ZBTB7C: variants seen among roughly 807,000 people sequenced by gnomAD.
The protein encoded by ZBTB7C is zinc finger and BTB domain containing 7C.
Under a neutral mutation model 25.7 loss-of-function variants are expected in ZBTB7C, and 8 were observed. The observed-to-expected ratio is 0.31, with a 90% CI of 0.18 to 0.56. ZBTB7C has a LOEUF of 0.56. Ranked by LOEUF, ZBTB7C falls within the 20% of genes least tolerant of loss-of-function variation. ZBTB7C has a pLI of 0.91. For missense variants in ZBTB7C, 824 were observed against 855.2 expected (o/e 0.96, Z 0.46); for synonymous variants, 394 against 369.0 (o/e 1.07, Z -0.78).
At chr18:48,326,451 CAT>C (rs1266998636) in intron 2 of ZBTB7C, among the ~76,000 whole-genome samples, 1 of 152,104 alleles carries the variant, frequency 6.6e-6, no homozygotes. Flanking sequence ...CACACACACA[CAT>C]ACAACAAAAT....
intron 2 of ZBTB7C, among the ~76,000 whole-genome samples, chr18:48,229,433 T>C (rs545711961): frequency 1.3e-5 from 2 of 152,204 alleles, no homozygotes; most frequent in Non-Finnish European, 2.9e-5. Flanking sequence ...TTTTCCCAGC[T>C]CTAAGGAGAA....
chr18:48,111,835 G>C (rs6507809), intron 3 of ZBTB7C, among the ~76,000 whole-genome samples: 12,116 of 152,166 alleles, frequency 0.08, 1,430 homozygotes, highest in African/African-American at 0.26. Flanking sequence ...CATAAACACA[G>C]TTTTTGGCAG....
chr18:48,158,373 C>T (rs896030085), intron 3 of ZBTB7C, among the ~76,000 whole-genome samples: 13 of 152,246 alleles, frequency 8.5e-5, no homozygotes, highest in Admixed American at 2.6e-4. Flanking sequence ...CCAAAGCCAC[C>T]GACACACACA....
chr18:48,198,222 CATT>C (rs1478895668), intron 2 of ZBTB7C, among the ~76,000 whole-genome samples: 3 of 152,176 alleles, frequency 2.0e-5, no homozygotes, highest in Admixed American at 6.5e-5. Flanking sequence ...ATTCCATTTT[CATT>C]TTTTCCTAGA....
intron 3 of ZBTB7C, among the ~76,000 whole-genome samples, chr18:48,073,317 G>A (rs1226867662): frequency 6.6e-6 from 1 of 152,130 alleles, no homozygotes; most frequent in Non-Finnish European, 1.5e-5. Context: ...AGGGCTACTG[G>A]CTAGGCTCAG....
rs140925301 is a variant in ZBTB7C at position 48,040,441 on chromosome 18, G to A, written c.667C>T (p.Arg223Trp). The A allele has an allele frequency of 3.1e-6, 5 of 1,607,596 alleles. No individual in the cohort carries two copies. The highest frequency in any genetic ancestry group is 1.3e-5 in the African/African-American group (1 of 74,878). The change falls in exon 4 of 5, where the codon CGG becomes TGG. Residue 223 changes from arginine (R) to tryptophan (W), a missense_variant. By Grantham distance (101) the Arg-to-Trp change is moderately radical (BLOSUM62 -3). Around this residue, in one of 4 missense-constraint regions of ZBTB7C, gnomAD observed 316 missense variants for 299.2 expected, o/e 1.06. Coordinates refer to ENST00000590800, the MANE Select transcript of ZBTB7C (RefSeq NM_001318841.2). ...AGCAGAGATTCGATGGAGAAGTCCC[G>A]GATCACCCCCAGATGGCCAGGACTG... ...AGSPGHLGVI[R>W]DFSIESLLRE...
chr18:48,054,182 G>T (rs1280014729), intron 3 of ZBTB7C, among the ~76,000 whole-genome samples: 1 of 152,184 alleles, frequency 6.6e-6, no homozygotes, highest in Admixed American at 6.5e-5. Flanking sequence ...ATCCTTCCGC[G>T]AAGGAAATCA....
Position 48,029,734 on chromosome 18 carries a change from G to A in ZBTB7C, c.1386C>T (p.His462=). 6.2e-7 allele frequency: 1 copy of A among 1,606,096 alleles called. No homozygotes were observed. Among genetic ancestry groups the A allele is most frequent in the Non-Finnish European group, 8.5e-7 (1 of 1,179,336 alleles). Residue 462 remains histidine, a synonymous_variant, in exon 5 of 5, where the codon CAC becomes CAT. Coordinates refer to ENST00000590800, the MANE Select transcript of ZBTB7C (RefSeq NM_001318841.2). ...TCTGGCGCTTGATGTGGCGGTGCAG[G>A]TGGTCAGAGCGCGTGAAGCTCTTGT... ...FCYKSFTRSD[H]LHRHIKRQSC... is the part of the protein sequence containing the mutation.
At chr18:48,302,307 C>T (rs1406002544) in intron 2 of ZBTB7C, among the ~76,000 whole-genome samples, 2 of 152,198 alleles carry the variant, frequency 1.3e-5, no homozygotes, top group African/African-American at 2.4e-5. Context: ...GAAGAGCTGA[C>T]GGCTCCTGCT....
intron 3 of ZBTB7C, among the ~76,000 whole-genome samples, chr18:48,159,048 A>G (rs2040922705): frequency 6.6e-6 from 1 of 152,126 alleles, no homozygotes; most frequent in South Asian, 2.1e-4. Flanking sequence ...CCTTTCTCAG[A>G]GGCGACAGGG....
At chr18:48,103,497 G>A (rs868278044) in intron 3 of ZBTB7C, among the ~76,000 whole-genome samples, 2 of 152,090 alleles carry the variant, frequency 1.3e-5, no homozygotes, top group Non-Finnish European at 2.9e-5. Flanking sequence ...TTACCTTTCA[G>A]GGACAAAGAC....
chr18:48,185,371 A>T (rs1388917812), intron 3 of ZBTB7C: 1 of 429,664 alleles, frequency 2.3e-6, no homozygotes, highest in East Asian at 7.8e-5. Flanking sequence ...TCTCTTCCTG[A>T]ACTGGACTGA....
chr18:48,407,554 G>A (rs2145342220), intron 1 of ZBTB7C, among the ~76,000 whole-genome samples: 1 of 152,334 alleles, frequency 6.6e-6, no homozygotes, highest in South Asian at 2.1e-4. Flanking sequence ...GCCTTGCCCA[G>A]GGAAGTCTCT....
intron 3 of ZBTB7C, among the ~76,000 whole-genome samples, chr18:48,043,069 TA>T (rs869234424): frequency 7.1e-6 from 1 of 140,728 alleles, no homozygotes; most frequent in Non-Finnish European, 1.5e-5. Context: ...GCTAAAATAA[TA>T]AAAAAATACT....
intron 3 of ZBTB7C, among the ~76,000 whole-genome samples, chr18:48,104,976 G>A (rs2038978542): frequency 6.6e-6 from 1 of 152,196 alleles, no homozygotes; most frequent in South Asian, 2.1e-4. Flanking sequence ...TCTGCTACAG[G>A]CAAACTCCCA....
chr18:48,339,863 G>T (rs1190600610), intron 1 of ZBTB7C, among the ~76,000 whole-genome samples: 1 of 152,176 alleles, frequency 6.6e-6, no homozygotes, highest in African/African-American at 2.4e-5. Context: ...CAGGCACAAA[G>T]AAATTGGCTG....
intron 2 of ZBTB7C, among the ~76,000 whole-genome samples, chr18:48,336,226 T>C (rs1255375976): frequency 1.3e-5 from 2 of 152,150 alleles, no homozygotes; most frequent in East Asian, 1.9e-4. Flanking sequence ...GAAATTCTGA[T>C]AACCAGTTTT....
intron 3 of ZBTB7C, among the ~76,000 whole-genome samples, chr18:48,166,697 C>T (rs950010043): frequency 5.9e-5 from 9 of 152,168 alleles, no homozygotes; most frequent in Non-Finnish European, 1.3e-4. Context: ...CAAGGAGTGA[C>T]CCCCAAAGCG....
chr18:48,303,596 C>T lies in ZBTB7C; in HGVS notation c.-79+34578G>A, dbSNP rs1175662101. On this transcript the variant is annotated intron_variant, in intron 2 of 4. Transcript: ENST00000590800. ...ATAAGAATAGAGATGGGGTGGAAGA[C>T]ATCCGAGAAAAGCTTAGAAGAAGGT... is the stretch of plus-strand genomic sequence containing the variant. Among the ~76,000 whole-genome samples the T allele has an allele frequency of 2.0e-5, 3 of 152,192 alleles. No homozygotes were observed. In the East Asian group the frequency reaches 5.8e-4, roughly 29 times the overall value.
Sources: allele counts gnomAD v4.1 joint callset (sites outside exome capture counted in the v4.1 genomes callset), GRCh38; gene constraint gnomAD v4.1.1; regional missense constraint gnomAD v4.1.1; transcripts MANE v1.5; gene names NCBI Gene and HGNC (gene_info 2026-07-23, HGNC 2026-07-21).